LRP1B: variants seen among roughly 807,000 people sequenced by gnomAD.
The protein encoded by LRP1B is LDL receptor related protein 1B, also known as low-density lipoprotein receptor-related protein 1B.
Under a neutral mutation model 556.6 loss-of-function variants are expected in LRP1B, and 217 were observed. The ratio of observed to expected loss-of-function variants is 0.39; its 90% confidence interval spans 0.35 to 0.44. The LOEUF (loss-of-function observed/expected upper bound fraction) is 0.44, where lower values mean the gene tolerates loss of function less well. LRP1B is among the 20% of genes least tolerant of loss of function. LRP1B has a pLI of 1.00. For synonymous variants in LRP1B, 2,047 were observed against 1,865.8 expected (o/e 1.10, Z -2.50); for missense variants, 5,053 against 5,620.8 (o/e 0.90, Z 3.23).
intron 3 of LRP1B, among the ~76,000 whole-genome samples, chr2:141,416,240 C>T (rs1289514032): frequency 6.6e-6 from 1 of 152,100 alleles, no homozygotes; most frequent in Non-Finnish European, 1.5e-5. Context: ...CTCTAGATTA[C>T]ATGAGGTTGC....
In LRP1B at chr2:142,115,572, TTA is replaced by T. The variant is rs1553518956; in HGVS notation, c.82+15074_82+15075del. On this transcript the variant is annotated intron_variant, in intron 1 of 90. Coordinates refer to ENST00000389484, the MANE Select transcript of LRP1B (RefSeq NM_018557.3). ...ATATATATTATATATGTAATATATATTATATATGTAATATATATATTATATAT... is the reference window on the plus strand; with the variant it reads ...ATATATATTATATATGTAATATATATTATATGTAATATATATATTATATAT... Among the ~76,000 whole-genome samples, 15 of 36,320 alleles carry T rather than the reference TTA, an allele frequency of 4.1e-4. 3 individuals carry two copies. Among genetic ancestry groups the T allele is most frequent in the African/African-American group, 1.7e-3 (15 of 8,730 alleles). 23.8% of individuals were successfully genotyped at this position (36,320 alleles called of 152,430 possible).
At chr2:140,875,438 A>C (rs1693275303) in intron 25 of LRP1B, among the ~76,000 whole-genome samples, 1 of 152,124 alleles carries the variant, frequency 6.6e-6, no homozygotes, top group African/African-American at 2.4e-5. Flanking sequence ...ATTTTGAAAA[A>C]CAAATTTAAT....
intron 20 of LRP1B, among the ~76,000 whole-genome samples, chr2:140,943,626 C>T (rs1168345972): frequency 6.6e-6 from 1 of 152,036 alleles, no homozygotes; most frequent in East Asian, 1.9e-4. Flanking sequence ...CTCTCAAAAC[C>T]ACCCAATTAC....
At chr2:140,903,536 G>C (rs1360500192) in intron 22 of LRP1B, among the ~76,000 whole-genome samples, 1 of 151,924 alleles carries the variant, frequency 6.6e-6, no homozygotes, top group African/African-American at 2.4e-5. Context: ...TTCCAAAAAA[G>C]ATGTACATAC....
chr2:141,892,867 C>T, intron 1 of LRP1B, among the ~76,000 whole-genome samples: 1 of 152,108 alleles, frequency 6.6e-6, no homozygotes. Context: ...GTGAAATTTG[C>T]ATGTAAATTG....
intron 5 of LRP1B, among the ~76,000 whole-genome samples, chr2:141,240,360 T>C (rs964463871): frequency 3.0e-5 from 4 of 131,220 alleles, no homozygotes; most frequent in Non-Finnish European, 6.8e-5. Context: ...AATCAATTTT[T>C]TTTTCTTAAA....
intron 29 of LRP1B, among the ~76,000 whole-genome samples, chr2:140,846,293 T>C (rs190638071): frequency 1.3e-5 from 2 of 152,142 alleles, no homozygotes; most frequent in African/African-American, 4.8e-5. Flanking sequence ...GTGAGCAATA[T>C]ATACATTAAG....
chr2:140,411,458 A>C (rs1684966936), intron 66 of LRP1B, among the ~76,000 whole-genome samples: 1 of 152,132 alleles, frequency 6.6e-6, no homozygotes, highest in African/African-American at 2.4e-5. Context: ...ACTATATTCA[A>C]ATTCTTGCTA....
intron 1 of LRP1B, among the ~76,000 whole-genome samples, chr2:141,959,192 A>G (rs1232774613): frequency 6.6e-6 from 1 of 152,006 alleles, no homozygotes; most frequent in Non-Finnish European, 1.5e-5. Context: ...TTAGGATAGC[A>G]GACAAGGTGC....
At chr2:141,679,384 A>G (rs1485797788) in intron 2 of LRP1B, among the ~76,000 whole-genome samples, 2 of 152,234 alleles carry the variant, frequency 1.3e-5, no homozygotes, top group African/African-American at 4.8e-5. Context: ...GTTATGCCGT[A>G]ATAAATAACA....
intron 67 of LRP1B, among the ~76,000 whole-genome samples, chr2:140,382,136 A>G (rs986497009): frequency 1.2e-4 from 18 of 152,192 alleles, no homozygotes. Context: ...TTCAAAAGTT[A>G]TATGAATGTC....
intron 1 of LRP1B, among the ~76,000 whole-genome samples, chr2:142,078,880 G>C (rs56030807): frequency 0.48 from 72,685 of 151,274 alleles, 17,929 homozygotes; most frequent in East Asian, 0.69. Context: ...TTGTAATCTA[G>C]ATGCTGTAGT....
chr2:140,823,470 G>T (rs1000253800), intron 31 of LRP1B, among the ~76,000 whole-genome samples: 5 of 152,152 alleles, frequency 3.3e-5, no homozygotes, highest in Non-Finnish European at 7.4e-5. Flanking sequence ...GTATTTCATG[G>T]TGTAATGATC....
At chr2:140,466,171 A>G (rs1687542110) in intron 60 of LRP1B, among the ~76,000 whole-genome samples, 1 of 137,374 alleles carries the variant, frequency 7.3e-6, no homozygotes, top group African/African-American at 2.7e-5. Context: ...TAAATTTTCT[A>G]AAAATCCAAA....
intron 84 of LRP1B, among the ~76,000 whole-genome samples, chr2:140,285,400 C>CAG (rs140170642): frequency 5.3e-5 from 8 of 150,236 alleles, no homozygotes; most frequent in Non-Finnish European, 5.9e-5. Context: ...TATATACACA[C>CAG]AGAGAGAGAG....
At chr2:140,887,091 T>C (rs1436977427) in intron 23 of LRP1B, among the ~76,000 whole-genome samples, 2 of 152,202 alleles carry the variant, frequency 1.3e-5, no homozygotes, top group Admixed American at 1.3e-4. Flanking sequence ...ATGTATATTG[T>C]TGTGATCACT....
chr2:141,060,235 G>A (rs1699298769), intron 8 of LRP1B, among the ~76,000 whole-genome samples: 2 of 151,584 alleles, frequency 1.3e-5, no homozygotes, highest in Admixed American at 6.6e-5. Context: ...TTTACATGTC[G>A]TTTTTGGGTT....
chr2:141,139,469 T>C (rs561323103), intron 7 of LRP1B, among the ~76,000 whole-genome samples: 1 of 151,702 alleles, frequency 6.6e-6, no homozygotes, highest in South Asian at 2.1e-4. Context: ...AATATTGGTG[T>C]ATACTATATA....
intron 25 of LRP1B, among the ~76,000 whole-genome samples, chr2:140,872,699 C>T (rs1693177029): frequency 6.6e-6 from 1 of 151,914 alleles, no homozygotes; most frequent in Non-Finnish European, 1.5e-5. Flanking sequence ...TCTAGCACCA[C>T]CAGACTTTTT....
Sources: allele counts gnomAD v4.1 joint callset (sites outside exome capture counted in the v4.1 genomes callset), GRCh38; gene constraint gnomAD v4.1.1; transcripts MANE v1.5; gene names NCBI Gene and HGNC (gene_info 2026-07-23, HGNC 2026-07-21).